Variants in BICC1 observed in about 807,000 individuals in gnomAD.
BICC1 encodes the protein BicC family RNA binding protein 1.
A neutral mutation model predicts 111.0 loss-of-function variants in BICC1; 43 were observed. That is an observed-to-expected ratio of 0.39 (90% confidence interval 0.30 to 0.50). BICC1 has a LOEUF of 0.50. BICC1 is among the 20% of genes least tolerant of loss of function. BICC1 has a pLI of 0.88. For missense variants in BICC1, 1,091 were observed against 1,203.2 expected (o/e 0.91, Z 1.38); for synonymous variants, 467 against 434.4 (o/e 1.07, Z -0.93).
chr10:58,780,905 G>A (rs900893375), intron 3 of BICC1, among the ~76,000 whole-genome samples: 2 of 152,044 alleles, frequency 1.3e-5, no homozygotes, highest in African/African-American at 4.8e-5. Flanking sequence ...GACAATTGTT[G>A]CCTTGTTAAG....
intron 3 of BICC1, among the ~76,000 whole-genome samples, chr10:58,753,723 T>C (rs1842057552): frequency 6.6e-6 from 1 of 152,058 alleles, no homozygotes; most frequent in Admixed American, 6.6e-5. Context: ...TTTCTCTCTT[T>C]CTTTTTCTTC....
rs190492235 is a variant in BICC1, at chr10:58,831,284, A to C, written c.*2393A>C. The C allele has an allele frequency of 6.6e-6, 1 of 152,346 alleles. No individual in the cohort carries two copies. The highest frequency in any genetic ancestry group is 1.9e-4 in the East Asian group (1 of 5,186). 9.4% of individuals were successfully genotyped at this position (152,346 alleles called of 1,614,324 possible). A position where few individuals can be genotyped will look rare whatever the true frequency, so the allele number is the denominator to read the frequency against. ...TTATCTGTAAATATAGAACAGATACAGATTGTATTTTTCTGTGGGTTTTTG... is the reference window on the plus strand; with the variant it reads ...TTATCTGTAAATATAGAACAGATACCGATTGTATTTTTCTGTGGGTTTTTG... On this transcript the variant is annotated 3_prime_UTR_variant, in exon 21 of 21. Transcript: ENST00000373886.
rs1038901876 is a variant in BICC1, at chr10:58,512,935, C to T, written c.-209C>T. Among the ~76,000 whole-genome samples the T allele has an allele frequency of 6.8e-6, 1 of 147,082 alleles. No individual in the cohort carries two copies. Among genetic ancestry groups the T allele is most frequent in the Non-Finnish European group, 1.5e-5 (1 of 66,054 alleles). On this transcript the variant is annotated 5_prime_UTR_variant, in exon 1 of 21. Transcript: ENST00000373886. Reference sequence around the variant, plus strand: ...ACTGGACCCGGACCGGGGCCGCGACCCGGGGTGGCGGGTGGCGTGGGCGGC... The same window carrying T: ...ACTGGACCCGGACCGGGGCCGCGACTCGGGGTGGCGGGTGGCGTGGGCGGC...
intron 1 of BICC1, among the ~76,000 whole-genome samples, chr10:58,616,238 G>T (rs1845601199): frequency 6.6e-6 from 1 of 152,234 alleles, no homozygotes; most frequent in Non-Finnish European, 1.5e-5. Flanking sequence ...CCATAAAGAA[G>T]GGGAAGATGC....
intron 1 of BICC1, among the ~76,000 whole-genome samples, chr10:58,548,514 A>G (rs1386188732): frequency 6.6e-6 from 1 of 152,192 alleles, no homozygotes; most frequent in African/African-American, 2.4e-5. Context: ...CAATTTGCAT[A>G]CATTAAGGTT....
At chr10:58,575,988 A>AT (rs978958378) in intron 1 of BICC1, among the ~76,000 whole-genome samples, 1 of 152,160 alleles carries the variant, frequency 6.6e-6, no homozygotes, top group Non-Finnish European at 1.5e-5. Context: ...ATATTTTACA[A>AT]TTTTTTGGTG....
chr10:58,568,155 G>A (rs929480685), intron 1 of BICC1, among the ~76,000 whole-genome samples: 11 of 152,144 alleles, frequency 7.2e-5, no homozygotes, highest in African/African-American at 2.4e-4. Context: ...CTCTAGGAGA[G>A]CTTTTCTAAG....
chr10:58,800,391 G>A (rs1159660836), intron 13 of BICC1, 65 bp downstream of exon 13: 16 of 1,493,556 alleles, frequency 1.1e-5, no homozygotes, highest in Non-Finnish European at 1.5e-5. Context: ...GTTGTAGAGA[G>A]TCTATGCAGT....
At chr10:58,518,659 T>G (rs1290448498) in intron 1 of BICC1, among the ~76,000 whole-genome samples, 2 of 151,612 alleles carry the variant, frequency 1.3e-5, no homozygotes. Context: ...AAGTTTGTTA[T>G]GACAATTTAT....
At chr10:58,765,881 A>G (rs920849313) in intron 3 of BICC1, among the ~76,000 whole-genome samples, 3 of 152,256 alleles carry the variant, frequency 2.0e-5, no homozygotes, top group Non-Finnish European at 2.9e-5. Context: ...TTAATCAACA[A>G]AAGCAGGTGT....
intron 2 of BICC1, among the ~76,000 whole-genome samples, chr10:58,656,897 C>G (rs559178384): frequency 6.6e-6 from 1 of 152,258 alleles, no homozygotes; most frequent in African/African-American, 2.4e-5. Context: ...CTCGGCATAA[C>G]AGTTTATAAT....
intron 20 of BICC1, chr10:58,823,504 G>T (rs1366399008): frequency 1.0e-6 from 1 of 984,076 alleles, no homozygotes; most frequent in Non-Finnish European, 1.2e-6. Flanking sequence ...ATCGATTAGG[G>T]TTGGATTCCC....
chr10:58,655,152 C>A (rs1431763123), intron 2 of BICC1, among the ~76,000 whole-genome samples: 2 of 141,912 alleles, frequency 1.4e-5, no homozygotes, highest in Non-Finnish European at 3.1e-5. Context: ...CTTAAGATTG[C>A]CTTGGCGATG....
intron 3 of BICC1, among the ~76,000 whole-genome samples, chr10:58,776,421 G>T (rs775066457): frequency 7.2e-5 from 11 of 152,184 alleles, no homozygotes; most frequent in Non-Finnish European, 1.5e-4. Context: ...CAGTATTCCT[G>T]GGAGAGAGAA....
chr10:58,759,946 G>T (rs1842261788), intron 3 of BICC1, among the ~76,000 whole-genome samples: 1 of 143,034 alleles, frequency 7.0e-6, no homozygotes, highest in Non-Finnish European at 1.5e-5. Context: ...GCAGCAGAGT[G>T]AGACTCGTCT....
intron 2 of BICC1, among the ~76,000 whole-genome samples, chr10:58,689,387 G>A (rs1269334235): frequency 6.6e-6 from 1 of 152,192 alleles, no homozygotes; most frequent in Non-Finnish European, 1.5e-5. Flanking sequence ...TATGGGAATG[G>A]GAGTGGCATC....
intron 3 of BICC1, among the ~76,000 whole-genome samples, chr10:58,714,124 A>G (rs1469785770): frequency 6.6e-6 from 1 of 152,220 alleles, no homozygotes; most frequent in Non-Finnish European, 1.5e-5. Flanking sequence ...CCAGTAGCTC[A>G]AGGTTGAGAA....
intron 1 of BICC1, among the ~76,000 whole-genome samples, chr10:58,613,239 T>C (rs1028777839): frequency 2.0e-5 from 3 of 152,138 alleles, no homozygotes; most frequent in Admixed American, 2.0e-4. Context: ...GCAGGAATAA[T>C]CCAGGGTTTT....
intron 2 of BICC1, among the ~76,000 whole-genome samples, chr10:58,621,736 A>G (rs1441118497): frequency 2.6e-5 from 4 of 151,934 alleles, no homozygotes; most frequent in African/African-American, 9.7e-5. Flanking sequence ...TGTCTCTACT[A>G]AAAATATAAA....
Sources: allele counts gnomAD v4.1 joint callset (sites outside exome capture counted in the v4.1 genomes callset), GRCh38; gene constraint gnomAD v4.1.1; transcripts MANE v1.5; gene names NCBI Gene and HGNC (gene_info 2026-07-23, HGNC 2026-07-21).